The following NBEA variants were observed in gnomAD, a reference collection of about 807,000 sequenced individuals.
NBEA encodes the protein neurobeachin, also known as lysosomal-trafficking regulator 2.
Under a neutral mutation model 343.4 loss-of-function variants are expected in NBEA, and 44 were observed. The observed-to-expected ratio is 0.13, with a 90% CI of 0.10 to 0.16. The LOEUF (loss-of-function observed/expected upper bound fraction) is 0.16, where lower values mean the gene tolerates loss of function less well. Among genes scored for constraint, NBEA ranks in the 10% least tolerant of loss-of-function variants. The pLI, the probability that NBEA is intolerant of heterozygous loss-of-function variation, is 1.00. For missense variants in NBEA, 2,555 were observed against 3,631.3 expected, an observed-to-expected ratio of 0.70 and a Z score of 7.62; for synonymous variants, 1,175 against 1,238.7, an observed-to-expected ratio of 0.95 and a Z score of 1.08.
chr13:35,287,793 G>A (rs973871723), intron 34 of NBEA, among the ~76,000 whole-genome samples: 4 of 151,844 alleles, frequency 2.6e-5, no homozygotes, highest in Non-Finnish European at 5.9e-5. Context: ...CCTGAATTTG[G>A]GACCCAGTTC....
At position 35,444,118 on chromosome 13, in the gene NBEA, G is replaced by A. The variant is rs1026964398; in HGVS notation, c.6305-7974G>A. ...ACTAAGGTAAGCATAAAATGTTTTCGAACAATAGGTTCCTCAGTATAAGAA... is the reference window on the plus strand; with the variant it reads ...ACTAAGGTAAGCATAAAATGTTTTCAAACAATAGGTTCCTCAGTATAAGAA... On this transcript the variant is annotated intron_variant, in intron 39 of 58. Transcript: ENST00000379939. 3.4e-4 allele frequency among the ~76,000 whole-genome samples: 52 copies of A among 151,674 alleles called. 1 individual carries two copies. The highest frequency in any genetic ancestry group is 1.3e-3 in the African/African-American group (52 of 41,346).
At chr13:35,325,682 A>G (rs1446809954) in intron 36 of NBEA, among the ~76,000 whole-genome samples, 1 of 152,090 alleles carries the variant, frequency 6.6e-6, no homozygotes, top group African/African-American at 2.4e-5. Context: ...TCCAAAATGC[A>G]AAGTGTATAT....
intron 36 of NBEA, among the ~76,000 whole-genome samples, chr13:35,321,539 G>C (rs531459422): frequency 1.3e-5 from 2 of 152,316 alleles, no homozygotes; most frequent in South Asian, 2.1e-4. Flanking sequence ...GACCCCTGCT[G>C]GGAGGTGTTT....
chr13:35,377,361 A>G (rs530111625), intron 38 of NBEA, among the ~76,000 whole-genome samples: 1 of 152,340 alleles, frequency 6.6e-6, no homozygotes, highest in African/African-American at 2.4e-5. Flanking sequence ...GAAGGACTAC[A>G]TAGTCAATTT....
intron 38 of NBEA, among the ~76,000 whole-genome samples, chr13:35,374,582 T>G (rs1594396907): frequency 6.6e-6 from 1 of 152,174 alleles, no homozygotes; most frequent in Non-Finnish European, 1.5e-5. Context: ...CATAGGTTTG[T>G]GGAGCATATG....
rs74044733 is a variant in NBEA at position 35,560,578 on chromosome 13, G to C, written c.6922+5476G>C. On this transcript the variant is annotated intron_variant, in intron 44 of 58. Coordinates refer to ENST00000379939, the MANE Select transcript of NBEA (RefSeq NM_001385012.1). ...CCTTGGGATCAACATCTGTGGGGGA[G>C]TGAAGAAGTTAGAACTGGGCAGAAG... Among the ~76,000 whole-genome samples the C allele has an allele frequency of 2.6e-3, 396 of 152,266 alleles. 3 individuals are homozygous for C. Among genetic ancestry groups the C allele is most frequent in the African/African-American group, 9.0e-3 (374 of 41,546 alleles).
At chr13:35,476,610 T>G (rs2075884491) in intron 41 of NBEA, 1 of 510,740 alleles carries the variant, frequency 2.0e-6, no homozygotes, top group Non-Finnish European at 3.6e-6. Flanking sequence ...GTTAATCAAA[T>G]GGAGGAAAAG....
At chr13:35,094,340 G>C (rs1457703185) in intron 10 of NBEA, among the ~76,000 whole-genome samples, 1 of 152,036 alleles carries the variant, frequency 6.6e-6, no homozygotes, top group African/African-American at 2.4e-5. Flanking sequence ...GTGATTTCAT[G>C]TGCTATCTTA....
chr13:35,614,584 G>C (rs1443620635), intron 48 of NBEA, among the ~76,000 whole-genome samples: 1 of 152,180 alleles, frequency 6.6e-6, no homozygotes, highest in Non-Finnish European at 1.5e-5. Flanking sequence ...TTGTAGCTCT[G>C]ATAGGGAGTG....
intron 8 of NBEA, among the ~76,000 whole-genome samples, chr13:35,064,422 A>G (rs1371464880): frequency 6.6e-6 from 1 of 152,084 alleles, no homozygotes; most frequent in Non-Finnish European, 1.5e-5. Flanking sequence ...ACACAGGATA[A>G]TAGATTAGAA....
intron 44 of NBEA, among the ~76,000 whole-genome samples, chr13:35,562,466 T>C (rs948719516): frequency 1.3e-5 from 2 of 152,092 alleles, no homozygotes; most frequent in African/African-American, 4.8e-5. Context: ...TGATCCCCTG[T>C]TAAACTTGAG....
chr13:34,988,948 A>G (rs1289751550), intron 1 of NBEA, among the ~76,000 whole-genome samples: 1 of 151,042 alleles, frequency 6.6e-6, no homozygotes. Flanking sequence ...TAATGTAATT[A>G]CTGATACTGG....
chr13:35,343,738 C>T (rs1042823631), intron 36 of NBEA, among the ~76,000 whole-genome samples: 2 of 152,018 alleles, frequency 1.3e-5, no homozygotes, highest in African/African-American at 2.4e-5. Context: ...GTTGCATGCT[C>T]CTTATGAGAA....
chr13:35,390,399 G>A lies in NBEA; in HGVS notation c.6179+38076G>A, dbSNP rs544265324. ...AAGACAATACAAGGACAAAATTTTT[G>A]AAGAACCTAAATTCAGTAAACTAGA... On this transcript the variant is annotated intron_variant, in intron 38 of 58. Coordinates refer to ENST00000379939, the MANE Select transcript of NBEA (RefSeq NM_001385012.1). 2.5e-3 allele frequency among the ~76,000 whole-genome samples: 381 copies of A among 152,196 alleles called. 2 individuals are homozygous for A. The highest frequency in any genetic ancestry group is 8.8e-3 in the African/African-American group (367 of 41,540).
chr13:35,001,626 C>T (rs756244311), intron 1 of NBEA, among the ~76,000 whole-genome samples: 2 of 152,000 alleles, frequency 1.3e-5, no homozygotes, highest in Non-Finnish European at 2.9e-5. Flanking sequence ...AAAAGTTGAT[C>T]TCATGGTAGT....
intron 41 of NBEA, among the ~76,000 whole-genome samples, chr13:35,537,990 A>G (rs2078640103): frequency 6.6e-6 from 1 of 152,158 alleles, no homozygotes; most frequent in Non-Finnish European, 1.5e-5. Flanking sequence ...GTCTCTGAAT[A>G]TCTTGAATTC....
chr13:35,105,869 A>G (rs1474949643), intron 11 of NBEA, among the ~76,000 whole-genome samples: 2 of 152,046 alleles, frequency 1.3e-5, no homozygotes, highest in African/African-American at 2.4e-5. Context: ...CATTATATGT[A>G]TATGTGTGTG....
At chr13:35,316,883 A>G (rs1356174527) in intron 36 of NBEA, among the ~76,000 whole-genome samples, 1 of 151,874 alleles carries the variant, frequency 6.6e-6, no homozygotes, top group Non-Finnish European at 1.5e-5. Context: ...TTTTTCATAT[A>G]CTTGTTGACC....
chr13:35,233,339 CT>C lies in NBEA; in HGVS notation c.5776+721del, dbSNP rs552061428. Among the ~76,000 whole-genome samples the C allele has an allele frequency of 4.0e-3, 608 of 152,180 alleles. 3 individuals carry two copies. The highest frequency in any genetic ancestry group is 0.014 in the African/African-American group (588 of 41,556). On this transcript the variant is annotated intron_variant, in intron 34 of 58. Transcript: ENST00000379939. ...TTTTTTGCTTTTCACTTCCTGTTTA[CT>C]GTAGAAGAAAGAGAGTTTTCCTGTG...
Sources: gnomAD v4.1 joint callset for allele counts (sites outside exome capture counted in the v4.1 genomes callset) on GRCh38, gnomAD v4.1.1 for gene constraint, MANE v1.5 for transcripts, NCBI Gene and HGNC (gene_info 2026-07-23, HGNC 2026-07-21) for gene names.